The following DCC variants were observed in gnomAD, a reference collection of about 807,000 sequenced individuals.
DCC encodes the protein DCC netrin 1 receptor, also known as netrin receptor DCC.
In DCC, 58 loss-of-function variants were observed where a neutral mutation model predicts 172.5. The observed-to-expected ratio is 0.34, with a 90% CI of 0.27 to 0.42. DCC has a LOEUF of 0.42. Among genes scored for constraint, DCC ranks in the 10% least tolerant of loss-of-function variants. The pLI is 1.00. For missense variants in DCC, 1,740 were observed against 1,791.0 expected, an observed-to-expected ratio of 0.97 and a Z score of 0.51; for synonymous variants, 709 against 644.5, an observed-to-expected ratio of 1.10 and a Z score of -1.52.
chr18:53,222,073 T>A (rs1412654650), intron 12 of DCC, among the ~76,000 whole-genome samples: 2 of 152,202 alleles, frequency 1.3e-5, no homozygotes, highest in Non-Finnish European at 2.9e-5. Context: ...TCTTAGACTT[T>A]TTTTGAAGTT....
chr18:52,663,042 A>C (rs944671273), intron 1 of DCC, among the ~76,000 whole-genome samples: 18 of 152,222 alleles, frequency 1.2e-4, no homozygotes, highest in Admixed American at 3.3e-4. Context: ...CCCATACAAA[A>C]AATAAAAGAA....
At chr18:52,877,948 C>G (rs1458901728) in intron 2 of DCC, among the ~76,000 whole-genome samples, 2 of 152,018 alleles carry the variant, frequency 1.3e-5, no homozygotes, top group Non-Finnish European at 2.9e-5. Context: ...ATACTGTTTC[C>G]TGAGTATTTT....
In DCC at chr18:53,264,476, CA is replaced by C. The variant is rs935972832; in HGVS notation, c.1912-41082del. On this transcript the variant is annotated intron_variant, in intron 12 of 28. Coordinates refer to ENST00000442544, the MANE Select transcript of DCC (RefSeq NM_005215.4). ...GGGCGAAACGAGCAAAACTCCGTCT[CA>C]AAAAAAAAAAAAAAAAAAAGAAGAA... Among the ~76,000 whole-genome samples, 322 of 46,304 alleles carry C rather than the reference CA, an allele frequency of 7.0e-3. 1 individual carries two copies. The highest frequency in any genetic ancestry group is 0.047 in the Middle Eastern group (3 of 64). The allele number at this position is 46,304 out of a possible 152,430, so 30.4% of individuals were successfully genotyped here. A position where few individuals can be genotyped will look rare whatever the true frequency, so the allele number is the denominator to read the frequency against.
At chr18:53,382,365 C>T (rs1907827488) in intron 15 of DCC, among the ~76,000 whole-genome samples, 1 of 151,962 alleles carries the variant, frequency 6.6e-6, no homozygotes, top group Admixed American at 6.6e-5. Flanking sequence ...AAAAAGTGTA[C>T]TTTTTGATCT....
chr18:53,051,948 G>T (rs955239540), intron 5 of DCC, among the ~76,000 whole-genome samples: 1 of 151,892 alleles, frequency 6.6e-6, no homozygotes, highest in Admixed American at 6.6e-5. Flanking sequence ...TGGGCTTATG[G>T]CATCAGGAAT....
At chr18:53,046,460 A>C (rs1452303778) in intron 5 of DCC, among the ~76,000 whole-genome samples, 1 of 138,242 alleles carries the variant, frequency 7.2e-6, no homozygotes, top group Non-Finnish European at 1.6e-5. Flanking sequence ...TCCATGTTAG[A>C]CTCAGAATTT....
At chr18:52,605,593 T>A (rs2034117168) in intron 1 of DCC, among the ~76,000 whole-genome samples, 1 of 152,162 alleles carries the variant, frequency 6.6e-6, no homozygotes, top group African/African-American at 2.4e-5. Flanking sequence ...TGTAAAACAT[T>A]TACAATTATA....
Position 52,568,721 on chromosome 18 carries a change from G to A in DCC, c.92-183333G>A, listed in dbSNP as rs185207511. On this transcript the variant is annotated intron_variant, in intron 1 of 28. Coordinates refer to ENST00000442544, the MANE Select transcript of DCC (RefSeq NM_005215.4). ...ACACCCCCACACTTCTCATTTAGAT[G>A]TACCCATAGACAAAAAGCACAGGTG... is the stretch of plus-strand genomic sequence containing the variant. 8.5e-5 allele frequency among the ~76,000 whole-genome samples: 13 copies of A among 152,120 alleles called. No individual in the cohort carries two copies. The East Asian group carries it at 2.3e-3, about 27-fold the overall frequency.
chr18:52,719,807 A>G (rs1055454805), intron 1 of DCC, among the ~76,000 whole-genome samples: 1 of 152,162 alleles, frequency 6.6e-6, no homozygotes, highest in Non-Finnish European at 1.5e-5. Context: ...CACTCCAGGT[A>G]GGCAGAGTGG....
intron 1 of DCC, among the ~76,000 whole-genome samples, chr18:52,495,099 G>A (rs1265092256): frequency 6.6e-6 from 1 of 151,980 alleles, no homozygotes; most frequent in East Asian, 1.9e-4. Context: ...GATCAACTGG[G>A]CCCCTCCCCT....
At chr18:52,770,893 G>A (rs17469054) in intron 2 of DCC, among the ~76,000 whole-genome samples, 14,263 of 152,134 alleles carry the variant, frequency 0.094, 884 homozygotes, top group Middle Eastern at 0.18. Context: ...ATCTTCCTTC[G>A]CCATCCTTCA....
chr18:52,540,689 C>G (rs2032416815), intron 1 of DCC, among the ~76,000 whole-genome samples: 1 of 131,132 alleles, frequency 7.6e-6, no homozygotes. Context: ...TCACTGCAAG[C>G]TCCACCTCCC....
intron 5 of DCC, among the ~76,000 whole-genome samples, chr18:53,048,485 T>C (rs1372561848): frequency 1.6e-5 from 2 of 125,412 alleles, no homozygotes; most frequent in Admixed American, 7.8e-5. Flanking sequence ...TAATACTCCA[T>C]GGTTTGTGTG....
intron 22 of DCC, among the ~76,000 whole-genome samples, chr18:53,437,691 C>A (rs1912037904): frequency 1.4e-5 from 2 of 140,648 alleles, no homozygotes; most frequent in Non-Finnish European, 1.5e-5. Context: ...GCATAAGTAA[C>A]AATAATTCCC....
chr18:52,958,344 C>A (rs569517930), intron 5 of DCC, among the ~76,000 whole-genome samples: 8 of 151,814 alleles, frequency 5.3e-5, no homozygotes, highest in Non-Finnish European at 8.8e-5. Context: ...ATACTTGTAA[C>A]CTGTAATTAT....
At chr18:53,449,562 A>G (rs1204955422) in intron 22 of DCC, among the ~76,000 whole-genome samples, 2 of 152,156 alleles carry the variant, frequency 1.3e-5, no homozygotes, top group African/African-American at 4.8e-5. Flanking sequence ...CTTCAAAGGA[A>G]TGGTGGTAAA....
At chr18:53,193,561 T>C (rs1026144107) in intron 9 of DCC, among the ~76,000 whole-genome samples, 1 of 152,144 alleles carries the variant, frequency 6.6e-6, no homozygotes, top group Admixed American at 6.5e-5. Context: ...TGAGTGAGTC[T>C]TCTGGATTTG....
intron 2 of DCC, among the ~76,000 whole-genome samples, chr18:52,880,403 C>T (rs909859798): frequency 3.3e-5 from 5 of 152,172 alleles, no homozygotes; most frequent in Admixed American, 1.3e-4. Flanking sequence ...CCTGCCTCAG[C>T]CTCCCAAAGT....
intron 2 of DCC, among the ~76,000 whole-genome samples, chr18:52,859,939 AAGATAAAT>A (rs1209447188): frequency 3.3e-5 from 5 of 152,192 alleles, no homozygotes; most frequent in Non-Finnish European, 5.9e-5. Context: ...GATAAGCAAA[AAGATAAAT>A]AAATAAATAA....
Sources: allele counts gnomAD v4.1 joint callset (sites outside exome capture counted in the v4.1 genomes callset), GRCh38; gene constraint gnomAD v4.1.1; transcripts MANE v1.5; gene names NCBI Gene and HGNC (gene_info 2026-07-23, HGNC 2026-07-21).